ME3: variants seen among roughly 807,000 people sequenced by gnomAD.
ME3 encodes NADP-dependent malic enzyme, mitochondrial.
ME3 carries 48 observed loss-of-function variants against 68.9 expected under a neutral mutation model. The observed-to-expected ratio is 0.70, with a 90% CI of 0.55 to 0.89. The LOEUF is 0.89. Ranked by LOEUF, ME3 falls within the 40% of genes least tolerant of loss-of-function variation. The probability of loss-of-function intolerance (pLI) is 0.00; values close to 1 mark genes in which losing one functional copy is unlikely to be tolerated. For synonymous variants in ME3, 320 were observed against 318.8 expected (o/e 1.00, Z -0.04); for missense variants, 675 against 797.4 (o/e 0.85, Z 1.85).
intron 2 of ME3, among the ~76,000 whole-genome samples, chr11:86,635,042 C>T (rs1012923734): frequency 6.6e-6 from 1 of 152,216 alleles, no homozygotes; most frequent in African/African-American, 2.4e-5. Flanking sequence ...CGCTGGTTCA[C>T]ACCTGTAATC....
At chr11:86,637,003 G>A (rs1202805861) in intron 2 of ME3, among the ~76,000 whole-genome samples, 1 of 152,174 alleles carries the variant, frequency 6.6e-6, no homozygotes, top group East Asian at 1.9e-4. Context: ...AGTGCGTTAA[G>A]AATCTGTTTG....
intron 2 of ME3, among the ~76,000 whole-genome samples, chr11:86,609,768 C>T (rs1036276544): frequency 4.6e-5 from 7 of 152,094 alleles, no homozygotes; most frequent in African/African-American, 7.2e-5. Context: ...AAATGTTCTT[C>T]GACATAGGCA....
chr11:86,537,089 G>A lies in ME3; in HGVS notation c.467+19464C>T, dbSNP rs373406899. Among the ~76,000 whole-genome samples, 5 of 145,168 alleles carry A rather than the reference G, an allele frequency of 3.4e-5. No homozygotes were observed. In the East Asian group the frequency reaches 1.0e-3, roughly 30 times the overall value. ...CTCATAGGTGGGAATTGAACAATGA[G>A]ATCACATGGACACAGGAAGGGGAAT... is the stretch of plus-strand genomic sequence containing the variant. On this transcript the variant is annotated intron_variant, in intron 4 of 14. Transcript: ENST00000543262.
intron 2 of ME3, among the ~76,000 whole-genome samples, chr11:86,669,377 C>T (rs1313244672): frequency 1.3e-5 from 2 of 152,160 alleles, no homozygotes; most frequent in Non-Finnish European, 2.9e-5. Flanking sequence ...GGTTCTTACA[C>T]GGCTGTGAAG....
intron 14 of ME3, among the ~76,000 whole-genome samples, chr11:86,442,124 A>G (rs1949026423): frequency 6.6e-6 from 1 of 152,230 alleles, no homozygotes; most frequent in East Asian, 1.9e-4. Context: ...ATAAACTGTC[A>G]TGTATCTATT....
intron 2 of ME3, among the ~76,000 whole-genome samples, chr11:86,600,731 T>C (rs1033848857): frequency 2.0e-5 from 3 of 151,304 alleles, no homozygotes; most frequent in Non-Finnish European, 4.4e-5. Context: ...ATGTAAAAGA[T>C]CAGAAATTAT....
intron 2 of ME3, among the ~76,000 whole-genome samples, chr11:86,578,467 T>C (rs1958244414): frequency 6.6e-6 from 1 of 152,248 alleles, no homozygotes; most frequent in South Asian, 2.1e-4. Flanking sequence ...CATGCATTCC[T>C]GGTGCGTGCG....
intron 7 of ME3, among the ~76,000 whole-genome samples, chr11:86,485,728 C>G (rs1473824929): frequency 6.6e-6 from 1 of 152,166 alleles, no homozygotes; most frequent in Non-Finnish European, 1.5e-5. Flanking sequence ...CAATTATAAT[C>G]ATTCCCTTGA....
intron 2 of ME3, among the ~76,000 whole-genome samples, chr11:86,628,978 C>A (rs979090714): frequency 7.9e-5 from 12 of 152,192 alleles, no homozygotes; most frequent in African/African-American, 2.7e-4. Context: ...AGCATAGAAC[C>A]AGTCCGCTCT....
chr11:86,477,022 T>A (rs926181459), intron 7 of ME3, among the ~76,000 whole-genome samples: 1 of 152,176 alleles, frequency 6.6e-6, no homozygotes, highest in Non-Finnish European at 1.5e-5. Flanking sequence ...GGAAACTGCC[T>A]AAATTAATAA....
At position 86,487,341 on chromosome 11, in the gene ME3, C is replaced by CT; in HGVS notation, c.804dup (p.Asp269ArgfsTer12). 1 of 1,613,868 alleles carries CT rather than the reference C, an allele frequency of 6.2e-7. No individual in the cohort carries two copies. Among genetic ancestry groups the CT allele is most frequent in the East Asian group, 2.2e-5 (1 of 44,886 alleles). The stretch of plus-strand genomic sequence containing the variant: ...GGGACAGACTGGTCCACTTACTTGT[C>CT]TGTCACAGCCTGCATGAACTCATCC... On this transcript the variant is annotated frameshift_variant, in exon 7 of 15. Coordinates refer to ENST00000543262, the Ensembl canonical transcript of ME3. LOFTEE classifies it high-confidence loss of function.
At chr11:86,658,829 T>A (rs72957473) in intron 2 of ME3, among the ~76,000 whole-genome samples, 10,888 of 152,070 alleles carry the variant, frequency 0.072, 463 homozygotes, top group East Asian at 0.14. Context: ...ACAGGGGAAA[T>A]GTTTCAGCTC....
chr11:86,631,708 T>G (rs1944027766), intron 2 of ME3, among the ~76,000 whole-genome samples: 1 of 152,168 alleles, frequency 6.6e-6, no homozygotes, highest in Admixed American at 6.5e-5. Context: ...ATTGGAAGCC[T>G]ACGGGCTGCC....
At chr11:86,620,762 T>C (rs1943295739) in intron 2 of ME3, among the ~76,000 whole-genome samples, 1 of 152,250 alleles carries the variant, frequency 6.6e-6, no homozygotes, top group Non-Finnish European at 1.5e-5. Context: ...TAATTTCAGC[T>C]ACTTGTGTGC....
chr11:86,448,743 C>T (rs574755729), intron 10 of ME3, among the ~76,000 whole-genome samples: 2 of 152,286 alleles, frequency 1.3e-5, no homozygotes, highest in South Asian at 4.2e-4. Flanking sequence ...GAATGACAGG[C>T]CATGCCCAAC....
At position 86,500,484 on chromosome 11, in the gene ME3, G is replaced by T. The variant is rs189147665; in HGVS notation, c.544-2360C>A. On this transcript the variant is annotated intron_variant, in intron 5 of 14. Coordinates refer to ENST00000543262, the Ensembl canonical transcript of ME3. ...CAACAGTTTCACAACCAGACTCCTT[G>T]CCTCTCATCTTCCTTCCTTCCATTC... 3.9e-4 allele frequency among the ~76,000 whole-genome samples: 60 copies of T among 152,268 alleles called. 1 individual carries two copies. In the East Asian group the frequency reaches 0.011, roughly 28 times the overall value.
chr11:86,498,621 G>T (rs949464622), intron 5 of ME3, among the ~76,000 whole-genome samples: 1 of 152,194 alleles, frequency 6.6e-6, no homozygotes, highest in African/African-American at 2.4e-5. Context: ...AGGGCTCCTT[G>T]TGACATCTTC....
chr11:86,441,397 G>A (rs1336431783), exon 15 of ME3: 1 of 1,609,452 alleles, frequency 6.2e-7, no homozygotes. Flanking sequence ...CTTAGGCTCT[G>A]GGTAGTAGGA....
chr11:86,634,921 C>A (rs960348230), intron 2 of ME3, among the ~76,000 whole-genome samples: 21 of 150,936 alleles, frequency 1.4e-4, no homozygotes, highest in Non-Finnish European at 5.9e-5. Flanking sequence ...ACAACAACAA[C>A]AACAAAAAAC....
Sources: allele counts gnomAD v4.1 joint callset (sites outside exome capture counted in the v4.1 genomes callset), GRCh38; gene constraint gnomAD v4.1.1; transcripts MANE v1.5; gene names NCBI Gene and HGNC (gene_info 2026-07-23, HGNC 2026-07-21).